LAMA2: variants seen among roughly 807,000 people sequenced by gnomAD.
LAMA2 encodes laminin subunit alpha 2, also known as laminin subunit alpha-2.
LAMA2 carries 269 observed loss-of-function variants against 364.8 expected under a neutral mutation model. The ratio of observed to expected loss-of-function variants is 0.74; its 90% CI spans 0.67 to 0.82. The LOEUF (loss-of-function observed/expected upper bound fraction) is 0.82. LAMA2 is among the 40% of genes least tolerant of loss of function. The probability of loss-of-function intolerance (pLI) is 0.00; values close to 1 mark genes in which losing one functional copy is unlikely to be tolerated. For synonymous variants in LAMA2, 1,379 were observed against 1,370.6 expected (o/e 1.01, Z -0.14); for missense variants, 3,807 against 3,873.2 (o/e 0.98, Z 0.45).
chr6:128,951,693 G>A (rs1780830686), intron 1 of LAMA2, among the ~76,000 whole-genome samples: 1 of 152,110 alleles, frequency 6.6e-6, no homozygotes, highest in Admixed American at 6.5e-5. Context: ...CTCCTTTAAA[G>A]AGGCAAAAGC....
At chr6:129,358,707 T>C (rs1413995214) in intron 32 of LAMA2, among the ~76,000 whole-genome samples, 1 of 152,062 alleles carries the variant, frequency 6.6e-6, no homozygotes, top group Non-Finnish European at 1.5e-5. Context: ...GCTACATACA[T>C]GTATGTGAAG....
chr6:129,166,157 A>C (rs555934030), intron 9 of LAMA2, among the ~76,000 whole-genome samples: 8 of 152,318 alleles, frequency 5.3e-5, no homozygotes, highest in Non-Finnish European at 1.0e-4. Flanking sequence ...AGGACTAAGA[A>C]GGTAGTAGTC....
chr6:129,510,703 G>A lies in LAMA2; in HGVS notation c.8858-1660G>A, dbSNP rs977613554. ...AGAAAAAAAGATTAATTTTGTTTGGGGGATATCAGGAAACGTTTCATGGAG... is the reference window on the plus strand; with the variant it reads ...AGAAAAAAAGATTAATTTTGTTTGGAGGATATCAGGAAACGTTTCATGGAG... On this transcript the variant is annotated intron_variant, in intron 62 of 64. Coordinates refer to ENST00000421865, the MANE Select transcript of LAMA2 (RefSeq NM_000426.4). Among the ~76,000 whole-genome samples, 127 of 152,080 alleles carry A rather than the reference G, an allele frequency of 8.4e-4. 2 individuals are homozygous for A. The highest frequency in any genetic ancestry group is 2.8e-3 in the African/African-American group (115 of 41,514).
At chr6:129,080,629 G>C (rs1467744842) in intron 3 of LAMA2, among the ~76,000 whole-genome samples, 1 of 152,112 alleles carries the variant, frequency 6.6e-6, no homozygotes, top group African/African-American at 2.4e-5. Flanking sequence ...GCAGCCAACA[G>C]ACACATGAAA....
At chr6:129,085,812 C>T (rs1167068648) in intron 3 of LAMA2, among the ~76,000 whole-genome samples, 1 of 152,088 alleles carries the variant, frequency 6.6e-6, no homozygotes, top group African/African-American at 2.4e-5. Context: ...GGAGAAAATA[C>T]AAGGAGAAGA....
chr6:129,250,910 C>T (rs1160791996), intron 13 of LAMA2, among the ~76,000 whole-genome samples: 1 of 151,988 alleles, frequency 6.6e-6, no homozygotes, highest in Non-Finnish European at 1.5e-5. Context: ...TGTCTTGAAA[C>T]TTTCATGCAT....
At chr6:129,229,933 T>C (rs1231151529) in intron 12 of LAMA2, among the ~76,000 whole-genome samples, 2 of 152,120 alleles carry the variant, frequency 1.3e-5, no homozygotes, top group African/African-American at 4.8e-5. Context: ...TATATCGAGG[T>C]GTAAATGTTA....
intron 12 of LAMA2, among the ~76,000 whole-genome samples, chr6:129,234,826 C>T (rs1011053601): frequency 6.6e-6 from 1 of 151,996 alleles, no homozygotes; most frequent in Non-Finnish European, 1.5e-5. Flanking sequence ...AACATATTAT[C>T]GACTCTGTGT....
chr6:129,372,243 C>T (rs548672729), intron 34 of LAMA2, among the ~76,000 whole-genome samples: 1 of 152,202 alleles, frequency 6.6e-6, no homozygotes, highest in African/African-American at 2.4e-5. Context: ...ATGTGTCCAC[C>T]GTTGTTGTAA....
chr6:129,006,169 TC>T (rs1784433654), intron 1 of LAMA2, among the ~76,000 whole-genome samples: 1 of 152,088 alleles, frequency 6.6e-6, no homozygotes, highest in Non-Finnish European at 1.5e-5. Context: ...GAAGCAAATA[TC>T]ACAGGCTAGG....
intron 12 of LAMA2, among the ~76,000 whole-genome samples, chr6:129,198,821 A>T (rs2115046183): frequency 6.6e-6 from 1 of 152,342 alleles, no homozygotes; most frequent in East Asian, 1.9e-4. Flanking sequence ...ACTCAAAGAA[A>T]AAAAATCTAT....
At chr6:128,928,497 C>T (rs747400667) in intron 1 of LAMA2, among the ~76,000 whole-genome samples, 11 of 152,064 alleles carry the variant, frequency 7.2e-5, no homozygotes, top group Non-Finnish European at 1.0e-4. Flanking sequence ...ATGACAAAGA[C>T]GACTCAGCTC....
At chr6:129,472,316 C>A (rs1390434098) in intron 51 of LAMA2, among the ~76,000 whole-genome samples, 1 of 151,828 alleles carries the variant, frequency 6.6e-6, no homozygotes, top group Admixed American at 6.6e-5. Context: ...GTTTAGAGGC[C>A]AAATCTATCA....
intron 40 of LAMA2, among the ~76,000 whole-genome samples, chr6:129,422,380 A>T (rs1055199106): frequency 2.6e-5 from 4 of 152,128 alleles, no homozygotes; most frequent in Middle Eastern, 3.2e-3. Flanking sequence ...GTATCAGTAC[A>T]TAGCCTTCAG....
At position 129,401,343 on chromosome 6, in the gene LAMA2, G is replaced by T. The variant is rs1779963603; in HGVS notation, c.5562+3G>T. ...ATGAAATCAACTCCATCATAGACGT[G>T]AGTATTGGGTAAAACTCAAAAGAGA... On this transcript the variant is annotated splice_donor_region_variant and intron_variant, in intron 38 of 64. Coordinates refer to ENST00000421865, the MANE Select transcript of LAMA2 (RefSeq NM_000426.4). The T allele has an allele frequency of 3.9e-6, 6 of 1,535,130 alleles. No homozygotes were observed. In the Admixed American group the frequency reaches 8.3e-5, roughly 21 times the overall value.
At chr6:129,214,599 G>A (rs1783307598) in intron 12 of LAMA2, among the ~76,000 whole-genome samples, 1 of 152,118 alleles carries the variant, frequency 6.6e-6, no homozygotes, top group African/African-American at 2.4e-5. Context: ...TATTCATGCG[G>A]GTGTATTTCT....
chr6:129,127,637 A>G (rs1300597355), intron 4 of LAMA2, among the ~76,000 whole-genome samples: 3 of 152,252 alleles, frequency 2.0e-5, no homozygotes, highest in Non-Finnish European at 2.9e-5. Context: ...CATTCCCACC[A>G]ACAGTGTACA....
intron 37 of LAMA2, among the ~76,000 whole-genome samples, chr6:129,396,677 A>G (rs1413017404): frequency 6.6e-6 from 1 of 152,216 alleles, no homozygotes; most frequent in Non-Finnish European, 1.5e-5. Context: ...GCAAAATAAT[A>G]TGTATTGAGC....
At chr6:129,444,837 A>G (rs1331514963) in intron 44 of LAMA2, among the ~76,000 whole-genome samples, 1 of 152,210 alleles carries the variant, frequency 6.6e-6, no homozygotes, top group African/African-American at 2.4e-5. Context: ...ACACTTAATC[A>G]GATAATAAAT....
Sources: gnomAD v4.1 joint callset for allele counts (sites outside exome capture counted in the v4.1 genomes callset) on GRCh38, gnomAD v4.1.1 for gene constraint, MANE v1.5 for transcripts, NCBI Gene and HGNC (gene_info 2026-07-23, HGNC 2026-07-21) for gene names.